PSMB10: variants seen among roughly 807,000 people sequenced by gnomAD.
PSMB10 encodes the protein proteasome 20S subunit beta 10, also known as proteasome subunit beta type-10.
A neutral mutation model predicts 29.8 loss-of-function variants in PSMB10; 29 were observed. The observed-to-expected ratio is 0.97, with a 90% CI of 0.73 to 1.33. The LOEUF is 1.33. Among genes scored for constraint, PSMB10 ranks in the 40% most tolerant of loss-of-function variants. The pLI is 0.00. For missense variants in PSMB10, 327 were observed against 369.2 expected, an observed-to-expected ratio of 0.89 and a Z score of 0.94; for synonymous variants, 157 against 164.7, an observed-to-expected ratio of 0.95 and a Z score of 0.36.
At chr16:67,935,306 T>G in intron 6 of PSMB10, 114 bp downstream of exon 6, 1 of 1,313,318 alleles carries the variant, frequency 7.6e-7, no homozygotes, top group Non-Finnish European at 1.1e-6. Flanking sequence ...CCTTCAGTGG[T>G]CACCTCCTCC....
chr16:67,936,036 GCT>G lies in PSMB10; in HGVS notation c.308_309del (p.Glu103AlafsTer102). 6.2e-7 allele frequency: 1 copy of G among 1,613,024 alleles called. No homozygotes were observed. The highest frequency in any genetic ancestry group is 8.5e-7 in the Non-Finnish European group (1 of 1,179,558). On this transcript the variant is annotated frameshift_variant, in exon 4 of 8. Transcript: ENST00000358514. LOFTEE classifies it high-confidence loss of function. Reference sequence around the variant, plus strand: ...TCGCGGCCCGTAGATAACGCGTGTAGCTCCATCTTGGACGCCACCATCCGTGT... The same window carrying G: ...TCGCGGCCCGTAGATAACGCGTGTAGCCATCTTGGACGCCACCATCCGTGT... ...MTTRMVASKM[E>X]LHALSTGREP...
In PSMB10 at chr16:67,934,664, G is replaced by A. The variant is rs376894401; in HGVS notation, c.718C>T (p.Arg240Cys). The part of the protein sequence containing the change: ...SPTEPVKRSG[R>C]YHFVPGTTAV... ...GTGGTTCCAGGCACAAAGTGGTAGC[G>A]GCCAGACCTGGGAGGGAGGAGGGAC... is the stretch of plus-strand genomic sequence containing the variant. The change falls in exon 8 of 8, where the codon CGC (arginine) becomes TGC (cysteine). Residue 240 changes from arginine (R) to cysteine (C), a missense_variant. Coordinates refer to ENST00000358514, the MANE Select transcript of PSMB10 (RefSeq NM_002801.4). The surrounding 1 kb of genome is among the most constrained non-coding windows in gnomAD (Gnocchi z 4.3). 1.2e-5 allele frequency: 20 copies of A among 1,613,928 alleles called. No homozygotes were observed. The highest frequency in any genetic ancestry group is 1.7e-5 in the Non-Finnish European group (20 of 1,179,966).
At position 67,936,246 on chromosome 16, in the gene PSMB10, C is replaced by G. The variant is rs564869656; in HGVS notation, c.211G>C (p.Glu71Gln). Reference sequence around the variant, plus strand: ...TTGGGGGCGATGAAGTGGATCTTCTCGCAGCTCTTGTCCGCCACGACCGAA... The same window carrying G: ...TTGGGGGCGATGAAGTGGATCTTCTGGCAGCTCTTGTCCGCCACGACCGAA... ...NDSVVADKSC[E>Q]KIHFIAPKIY... Residue 71 changes from glutamate to glutamine, a missense_variant, in exon 3 of 8, where the codon GAG becomes CAG. Glu to Gln is a conservative substitution (Grantham distance 29). Transcript: ENST00000358514. The G allele has an allele frequency of 9.3e-6, 15 of 1,614,008 alleles. No homozygotes were observed. Among genetic ancestry groups the G allele is most frequent in the Non-Finnish European group, 1.2e-5 (14 of 1,179,968 alleles).
In PSMB10 at chr16:67,936,793, C is replaced by G. The variant is rs1362658761; in HGVS notation, c.-44G>C. ...GATTAGGGGTCGCGGGCGGATGAGT[C>G]GGCCAGACAAGCGGGGCCAGTGAGC... On this transcript the variant is annotated 5_prime_UTR_variant, in exon 1 of 8. Transcript: ENST00000358514. 12 of 1,516,330 alleles carry G rather than the reference C, an allele frequency of 7.9e-6. No homozygotes were observed. The East Asian group carries it at 2.7e-4, about 34-fold the overall frequency. 93.9% of individuals were successfully genotyped at this position (1,516,330 alleles called of 1,614,324 possible). A position where few individuals can be genotyped will look rare whatever the true frequency, so the allele number is the denominator to read the frequency against.
chr16:67,936,717 GC>G lies in PSMB10; in HGVS notation c.32del (p.Gly11AlafsTer77), dbSNP rs1403612030. 7 of 1,556,648 alleles carry G rather than the reference GC, an allele frequency of 4.5e-6. No homozygotes were observed. Among genetic ancestry groups the G allele is most frequent in the Non-Finnish European group, 6.1e-6 (7 of 1,149,810 alleles). On this transcript the variant is annotated frameshift_variant, in exon 1 of 8. Coordinates refer to ENST00000358514, the MANE Select transcript of PSMB10 (RefSeq NM_002801.4). LOFTEE classifies it high-confidence loss of function. ...ACCTTTGGCAGTTCTCGAAGGAGAA[GC>G]CCCCTCGGGGCTCCAGGGCTGGCTT... MLKPALEPRG[G>X]FSFENCQRNA...
Position 67,936,024 on chromosome 16 carries a change from A to C in PSMB10, c.322T>G (p.Ser108Ala), listed in dbSNP as rs1023473539. 6.8e-6 allele frequency: 11 copies of C among 1,612,740 alleles called. No homozygotes were observed. Among genetic ancestry groups the C allele is most frequent in the Non-Finnish European group, 9.3e-6 (11 of 1,179,482 alleles). The change falls in exon 4 of 8, where the codon TCT (serine) becomes GCT (alanine). Residue 108 changes from serine to alanine, a missense_variant. Transcript: ENST00000358514. ...GCCACGCGGGGCTCGCGGCCCGTAG[A>C]TAACGCGTGTAGCTCCATCTTGGAC... Reference protein sequence around the residue: ...VASKMELHALSTGREPRVATV... With the variant: ...VASKMELHALATGREPRVATV...
rs1359215233 is a variant in PSMB10 at position 67,936,085 on chromosome 16, T to A, written c.261A>T (p.Val87=). ...GTGTGGTCATCTCGGCGTCCGCGGC[T>A]ACTCCAGCCCCACAGCAGCTGAGGC... is the stretch of plus-strand genomic sequence containing the variant. ...APKIYCCGAG[V]AADAEMTTRM... The change falls in exon 4 of 8, where the codon GTA becomes GTT. Residue 87 remains valine, a synonymous_variant. Transcript: ENST00000358514. 2 of 1,610,428 alleles carry A rather than the reference T, an allele frequency of 1.2e-6. No individual in the cohort carries two copies. Among genetic ancestry groups the A allele is most frequent in the Non-Finnish European group, 1.7e-6 (2 of 1,177,272 alleles).
intron 3 of PSMB10, 21 bp downstream of exon 3, chr16:67,936,194 A>T (rs1204466066): frequency 6.2e-7 from 1 of 1,612,940 alleles, no homozygotes; most frequent in East Asian, 2.2e-5. Flanking sequence ...TGCGTACGGG[A>T]ACTGGGCTCG....
chr16:67,935,338 C>G, intron 6 of PSMB10, 82 bp downstream of exon 6: 1 of 1,576,322 alleles, frequency 6.3e-7, no homozygotes, highest in Non-Finnish European at 8.6e-7. Context: ...GCCACCCGCA[C>G]TGGGCCAGGG....
At position 67,935,563 on chromosome 16, in the gene PSMB10, A is replaced by T. The variant is rs1463092785; in HGVS notation, c.499+19T>A. ...GGTCACAGGGGCAGAGTTCGAGGAG[A>T]AGGGACAGAAGCGCTCACCCAGGGC... On this transcript the variant is annotated intron_variant, in intron 5 of 7. Coordinates refer to ENST00000358514, the MANE Select transcript of PSMB10 (RefSeq NM_002801.4). 2.5e-6 allele frequency: 4 copies of T among 1,613,890 alleles called. No homozygotes were observed. Among genetic ancestry groups the T allele is most frequent in the Middle Eastern group, 3.3e-4 (2 of 6,054 alleles).
Position 67,935,595 on chromosome 16 carries a change from G to A in PSMB10, c.486C>T (p.Pro162=), listed in dbSNP as rs1387629036. The A allele has an allele frequency of 1.9e-6, 3 of 1,614,132 alleles. No individual in the cohort carries two copies. In the African/African-American group the frequency reaches 4.0e-5, roughly 22 times the overall value. Residue 162 remains proline, a synonymous_variant, in exon 5 of 8, where the codon CCC becomes CCT. Coordinates refer to ENST00000358514, the MANE Select transcript of PSMB10 (RefSeq NM_002801.4). ...AGAAGCGCTCACCCAGGGCTGTGAA[G>A]GGCAGACGGCTGTAGGAGCCATGGG... ...VHPHGSYSRL[P]FTALGSGQDA...
At position 67,934,539 on chromosome 16, in the gene PSMB10, T is replaced by C. The variant is rs925290276; in HGVS notation, c.*21A>G. On this transcript the variant is annotated 3_prime_UTR_variant, in exon 8 of 8. Transcript: ENST00000358514. This position sits in a 1 kb window ranked among gnomAD's most constrained non-coding sequence, Gnocchi z 4.3. Reference sequence around the variant, plus strand: ...TATTTTCTGGGTTTATTCCCCCTTGTTCCAAGCTCTAAGCCTCAGCTTACT... The same window carrying C: ...TATTTTCTGGGTTTATTCCCCCTTGCTCCAAGCTCTAAGCCTCAGCTTACT... 18 of 1,602,344 alleles carry C rather than the reference T, an allele frequency of 1.1e-5. No individual in the cohort carries two copies. The highest frequency in any genetic ancestry group is 1.2e-5 in the Non-Finnish European group (14 of 1,169,336).
chr16:67,935,724 A>C, intron 4 of PSMB10, 27 bp from the exon 5 acceptor site: 1 of 1,608,302 alleles, frequency 6.2e-7, no homozygotes, highest in Non-Finnish European at 8.5e-7. Context: ...GGGGTCGGCC[A>C]CAAGCTGGGG....
chr16:67,936,713 A>G lies in PSMB10; in HGVS notation c.37T>C (p.Ser13Pro). 6.4e-7 allele frequency: 1 copy of G among 1,556,668 alleles called. No homozygotes were observed. The highest frequency in any genetic ancestry group is 8.7e-7 in the Non-Finnish European group (1 of 1,149,784). Residue 13 changes from serine (S) to proline (P), a missense_variant, in exon 1 of 8, where the codon TCC becomes CCC. By Grantham distance (74) the Ser-to-Pro change is moderately conservative. Transcript: ENST00000358514. ...KPALEPRGGF[S>P]FENCQRNASL... Reference sequence around the variant, plus strand: ...CTTCACCTTTGGCAGTTCTCGAAGGAGAAGCCCCCTCGGGGCTCCAGGGCT... The same window carrying G: ...CTTCACCTTTGGCAGTTCTCGAAGGGGAAGCCCCCTCGGGGCTCCAGGGCT...
Position 67,936,784 on chromosome 16 carries a change from C to G in PSMB10, c.-35G>C. The G allele has an allele frequency of 6.5e-7, 1 of 1,534,476 alleles. No individual in the cohort carries two copies. Among genetic ancestry groups the G allele is most frequent in the Non-Finnish European group, 8.8e-7 (1 of 1,134,776 alleles). On this transcript the variant is annotated 5_prime_UTR_variant, in exon 1 of 8. Transcript: ENST00000358514. ...GGCAGAGGGGATTAGGGGTCGCGGG[C>G]GGATGAGTCGGCCAGACAAGCGGGG...
rs1380606698 is a variant in PSMB10, at chr16:67,936,400, G to C, written c.142C>G (p.Gln48Glu). ...TGTTIAGLVF[Q>E]DGVILGADTR... ...CCCCGTCCCTCCCCGCTGCTCACTT[G>C]GAACACCAGGCCCGCGATGGTGGTC... The change falls in exon 2 of 8, where the codon CAA becomes GAA. Residue 48 changes from glutamine (Q) to glutamate (E), a missense_variant and splice_region_variant. Gln to Glu is a conservative substitution (Grantham distance 29). Coordinates refer to ENST00000358514, the MANE Select transcript of PSMB10 (RefSeq NM_002801.4). The C allele has an allele frequency of 6.2e-7, 1 of 1,613,074 alleles. No individual in the cohort carries two copies. Among genetic ancestry groups the C allele is most frequent in the African/African-American group, 1.3e-5 (1 of 74,962 alleles).
In PSMB10 at chr16:67,935,159, T is replaced by C. The variant is rs1329726944; in HGVS notation, c.559-211A>G. On this transcript the variant is annotated intron_variant, in intron 6 of 7. Transcript: ENST00000358514. ...TCTAGGCTCCAGACGTTGATATAAGTAGGACCCTACTGGTCCTTCTCTCCG... is the reference window on the plus strand; with the variant it reads ...TCTAGGCTCCAGACGTTGATATAAGCAGGACCCTACTGGTCCTTCTCTCCG... 5.6e-6 allele frequency: 4 copies of C among 715,444 alleles called. No individual in the cohort carries two copies. In the Admixed American group the frequency reaches 8.8e-5, roughly 16 times the overall value. The allele number at this position is 715,444 out of a possible 1,614,324, so 44.3% of individuals were successfully genotyped here.
At chr16:67,936,530 AC>A (rs749775482) in intron 1 of PSMB10, 45 bp from the exon 2 acceptor site, 2 of 1,553,032 alleles carry the variant, frequency 1.3e-6, no homozygotes, top group South Asian at 1.2e-5. Flanking sequence ...TGCTTTCAAG[AC>A]CCCTGTTGCT....
At position 67,936,222 on chromosome 16, in the gene PSMB10, T is replaced by G. The variant is rs757027515; in HGVS notation, c.235A>C (p.Lys79Gln). The change falls in exon 3 of 8, where the codon AAA becomes CAA. Residue 79 changes from lysine to glutamine, a missense_variant. Transcript: ENST00000358514. ...TGGGCTCGGGAGTCTCACTAGATTT[T>G]GGGGGCGATGAAGTGGATCTTCTCG... ...SCEKIHFIAP[K>Q]IYCCGAGVAA... 6.2e-7 allele frequency: 1 copy of G among 1,613,992 alleles called. No individual in the cohort carries two copies. The highest frequency in any genetic ancestry group is 8.5e-7 in the Non-Finnish European group (1 of 1,179,966).
Sources: allele counts gnomAD v4.1 joint callset, GRCh38; gene constraint gnomAD v4.1.1; non-coding constraint Gnocchi (gnomAD v3.1); transcripts MANE v1.5; gene names NCBI Gene and HGNC (gene_info 2026-07-23, HGNC 2026-07-21).